Variants in PYGO1 observed in about 807,000 individuals in gnomAD.
PYGO1 encodes pygopus family PHD finger 1.
In PYGO1, 6 loss-of-function variants were observed where a neutral mutation model predicts 29.5. The observed-to-expected ratio is 0.20, with a 90% confidence interval of 0.11 to 0.40. The LOEUF (loss-of-function observed/expected upper bound fraction) is 0.40, where lower values mean the gene tolerates loss of function less well. Among genes scored for constraint, PYGO1 ranks in the 10% least tolerant of loss-of-function variants. The pLI, the probability that PYGO1 is intolerant of heterozygous loss-of-function variation, is 1.00. For missense variants in PYGO1, 515 were observed against 514.9 expected (o/e 1.00, Z 0.00); for synonymous variants, 186 against 180.5 (o/e 1.03, Z -0.24).
At chr15:55,577,421 G>A (rs1168425017) in intron 1 of PYGO1, among the ~76,000 whole-genome samples, 1 of 152,022 alleles carries the variant, frequency 6.6e-6, no homozygotes, top group African/African-American at 2.4e-5. Context: ...CTATGTCATG[G>A]GTACATGCTT....
intron 1 of PYGO1, among the ~76,000 whole-genome samples, chr15:55,565,590 C>T (rs572305156): frequency 6.6e-6 from 1 of 151,906 alleles, no homozygotes; most frequent in Admixed American, 6.6e-5. Flanking sequence ...TAGCGGGCAC[C>T]TGTAGTCCCA....
At chr15:55,582,273 T>C (rs1353357202) in intron 1 of PYGO1, among the ~76,000 whole-genome samples, 1 of 144,432 alleles carries the variant, frequency 6.9e-6, no homozygotes, top group Non-Finnish European at 1.5e-5. Flanking sequence ...TGCGTGGGAG[T>C]AGGGGATGGA....
Position 55,544,580 on chromosome 15 carries a change from C to T in PYGO1, c.*1443G>A, listed in dbSNP as rs1162859909. On this transcript the variant is annotated 3_prime_UTR_variant, in exon 3 of 3. Coordinates refer to ENST00000563719, the MANE Select transcript of PYGO1 (RefSeq NM_001367806.1). ...ATTGTTTTTAAATCACATTTTCATGCATAATTTAAATTTCTTGATAATATG... is the reference window on the plus strand; with the variant it reads ...ATTGTTTTTAAATCACATTTTCATGTATAATTTAAATTTCTTGATAATATG... 6.6e-6 allele frequency: 1 copy of T among 152,160 alleles called. No individual in the cohort carries two copies. Among genetic ancestry groups the T allele is most frequent in the African/African-American group, 2.4e-5 (1 of 41,444 alleles). 9.4% of individuals were successfully genotyped at this position (152,160 alleles called of 1,614,324 possible). A position where few individuals can be genotyped will look rare whatever the true frequency, so the allele number is the denominator to read the frequency against.
intron 1 of PYGO1, among the ~76,000 whole-genome samples, chr15:55,570,858 TTTTTAA>T (rs1403563036): frequency 2.0e-5 from 3 of 152,174 alleles, no homozygotes; most frequent in African/African-American, 4.8e-5. Flanking sequence ...ATGGCTTAAT[TTTTTAA>T]TTTTAACTTT....
intron 1 of PYGO1, among the ~76,000 whole-genome samples, chr15:55,567,835 C>A (rs1333658571): frequency 6.6e-6 from 1 of 152,130 alleles, no homozygotes; most frequent in Non-Finnish European, 1.5e-5. Context: ...GCTATCCCAG[C>A]GCCATTTACT....
rs1206120231 is a variant in PYGO1 at position 55,539,335 on chromosome 15, C to T, written c.*6688G>A. 6.6e-6 allele frequency: 1 copy of T among 152,082 alleles called. No individual in the cohort carries two copies. Among genetic ancestry groups the T allele is most frequent in the African/African-American group, 2.4e-5 (1 of 41,504 alleles). The allele number at this position is 152,082 out of a possible 1,614,324, so 9.4% of individuals were successfully genotyped here. On this transcript the variant is annotated 3_prime_UTR_variant, in exon 3 of 3. Coordinates refer to ENST00000563719, the MANE Select transcript of PYGO1 (RefSeq NM_001367806.1). ...TTCAGAATTGAGAATGTATTTAACA[C>T]TTGGAAGCCCTTAAAGAGTCAAACT...
chr15:55,580,482 A>G (rs2059020919), intron 1 of PYGO1, among the ~76,000 whole-genome samples: 1 of 152,224 alleles, frequency 6.6e-6, no homozygotes, highest in South Asian at 2.1e-4. Context: ...CAAACAGATA[A>G]CTTAGAAGGC....
In PYGO1 at chr15:55,546,040, CT is replaced by C; in HGVS notation, c.1242del (p.Val415TrpfsTer10). ...GCCTTTGATTAAGCATCACTGCCCA[CT>C]GCAGATGGACCAAAAGTTTCTCTAG... ...MRTRETFGPS[A>X]VGSDA On this transcript the variant is annotated frameshift_variant, in exon 3 of 3. Transcript: ENST00000563719. LOFTEE classifies it high-confidence loss of function. 1 of 1,610,932 alleles carries C rather than the reference CT, an allele frequency of 6.2e-7. No individual in the cohort carries two copies. The highest frequency in any genetic ancestry group is 8.5e-7 in the Non-Finnish European group (1 of 1,177,554).
chr15:55,572,295 A>C (rs992829119), intron 1 of PYGO1, among the ~76,000 whole-genome samples: 2 of 152,340 alleles, frequency 1.3e-5, no homozygotes, highest in South Asian at 4.1e-4. Context: ...TACAAAATGG[A>C]GAAAGGATAG....
At chr15:55,557,344 A>T (rs2058910826) in intron 1 of PYGO1, among the ~76,000 whole-genome samples, 1 of 152,168 alleles carries the variant, frequency 6.6e-6, no homozygotes, top group African/African-American at 2.4e-5. Flanking sequence ...AATTGAGGCA[A>T]TAATTAATAG....
chr15:55,569,978 T>G (rs1033131916), intron 1 of PYGO1, among the ~76,000 whole-genome samples: 4 of 152,214 alleles, frequency 2.6e-5, no homozygotes, highest in African/African-American at 9.6e-5. Flanking sequence ...CTTTTCCCAG[T>G]GTCTTTCCCT....
chr15:55,562,185 A>G (rs1397656064), intron 1 of PYGO1, among the ~76,000 whole-genome samples: 1 of 152,218 alleles, frequency 6.6e-6, no homozygotes, highest in Non-Finnish European at 1.5e-5. Flanking sequence ...AAGTCAAGAA[A>G]CAACAGATGC....
intron 1 of PYGO1, among the ~76,000 whole-genome samples, chr15:55,582,005 G>C (rs1343831100): frequency 6.6e-6 from 1 of 152,032 alleles, no homozygotes; most frequent in African/African-American, 2.4e-5. Flanking sequence ...TCAGGAGTTT[G>C]AGACCAGCCT....
At chr15:55,581,990 T>C (rs975715728) in intron 1 of PYGO1, among the ~76,000 whole-genome samples, 1 of 152,074 alleles carries the variant, frequency 6.6e-6, no homozygotes, top group African/African-American at 2.4e-5. Context: ...GCGGATCACC[T>C]GAGGTCAGGA....
rs1003015361 is a variant in PYGO1, at chr15:55,541,912, G to A, written c.*4111C>T. On this transcript the variant is annotated 3_prime_UTR_variant, in exon 3 of 3. Coordinates refer to ENST00000563719, the MANE Select transcript of PYGO1 (RefSeq NM_001367806.1). ...AGCATGATACTATTAACTAGATTAT[G>A]GTCTAAATGAGCCTTTAGGAGCTTC... The A allele has an allele frequency of 6.6e-6, 1 of 152,126 alleles. No individual in the cohort carries two copies. The highest frequency in any genetic ancestry group is 1.5e-5 in the Non-Finnish European group (1 of 68,030). 9.4% of individuals were successfully genotyped at this position (152,126 alleles called of 1,614,324 possible).
chr15:55,576,305 A>G (rs1169798862), intron 1 of PYGO1, among the ~76,000 whole-genome samples: 1 of 148,846 alleles, frequency 6.7e-6, no homozygotes, highest in Non-Finnish European at 1.5e-5. Context: ...AAATACAAAA[A>G]ATTAGCCGGG....
rs2058847226 is a variant in PYGO1 at position 55,545,866 on chromosome 15, T to C, written c.*157A>G. 2.7e-6 allele frequency: 2 copies of C among 738,384 alleles called. No individual in the cohort carries two copies. Among genetic ancestry groups the C allele is most frequent in the Non-Finnish European group, 4.2e-6 (2 of 479,548 alleles). The allele number at this position is 738,384 out of a possible 1,614,324, so 45.7% of individuals were successfully genotyped here. A position where few individuals can be genotyped will look rare whatever the true frequency, so the allele number is the denominator to read the frequency against. The stretch of plus-strand genomic sequence containing the variant: ...CATTTAAGACAGCAAGCAAAGACAA[T>C]AAAAAATTTGCTCTAGTGATGAAGT... On this transcript the variant is annotated 3_prime_UTR_variant, in exon 3 of 3. Coordinates refer to ENST00000563719, the MANE Select transcript of PYGO1 (RefSeq NM_001367806.1).
At position 55,587,851 on chromosome 15, in the gene PYGO1, C is replaced by T. The variant is rs1012949621; in HGVS notation, c.33G>A (p.Ser11=). The T allele has an allele frequency of 4.0e-6, 6 of 1,494,890 alleles. No individual in the cohort carries two copies. The African/African-American group carries it at 8.6e-5, about 21-fold the overall frequency. 92.6% of individuals were successfully genotyped at this position (1,494,890 alleles called of 1,614,324 possible). A position where few individuals can be genotyped will look rare whatever the true frequency, so the allele number is the denominator to read the frequency against. Residue 11 remains serine (S), a synonymous_variant, in exon 1 of 3, where the codon TCG becomes TCA. Transcript: ENST00000563719. ...CTCGGTTACCTCGAACTCTCTTCAG[C>T]GAAATGGGATCCTTCTCCTGTTCTG... MSAEQEKDPI[S]LKRVRGGDSG...
intron 1 of PYGO1, among the ~76,000 whole-genome samples, chr15:55,587,595 C>A (rs975209795): frequency 4.6e-5 from 7 of 151,908 alleles, no homozygotes; most frequent in Non-Finnish European, 1.0e-4. Context: ...ATGCTGCTTG[C>A]GGCTCCAACT....
Sources: gnomAD v4.1 joint callset for allele counts (sites outside exome capture counted in the v4.1 genomes callset) on GRCh38, gnomAD v4.1.1 for gene constraint, MANE v1.5 for transcripts, NCBI Gene and HGNC (gene_info 2026-07-23, HGNC 2026-07-21) for gene names.